RAB21: variants seen among roughly 807,000 people sequenced by gnomAD.
The protein encoded by RAB21 is RAB21, member RAS oncogene family, also known as ras-related protein Rab-21.
Under a neutral mutation model 33.1 loss-of-function variants are expected in RAB21, and 13 were observed. The observed-to-expected ratio is 0.39, with a 90% CI of 0.26 to 0.62. The LOEUF (loss-of-function observed/expected upper bound fraction) is 0.62, where lower values mean the gene tolerates loss of function less well. Among genes scored for constraint, RAB21 ranks in the 20% least tolerant of loss-of-function variants. The probability of loss-of-function intolerance (pLI) is 0.48; values close to 1 mark genes in which losing one functional copy is unlikely to be tolerated. For missense variants in RAB21, 234 were observed against 279.1 expected (o/e 0.84, Z 1.15); for synonymous variants, 91 against 103.7 (o/e 0.88, Z 0.74).
At chr12:71,765,562 C>A (rs1031296105) in intron 1 of RAB21, among the ~76,000 whole-genome samples, 1 of 151,762 alleles carries the variant, frequency 6.6e-6, no homozygotes, top group Non-Finnish European at 1.5e-5. Flanking sequence ...CAATGTTATC[C>A]CCTAGAATTT....
At chr12:71,782,216 T>G (rs537990972) in intron 5 of RAB21, 131 bp downstream of exon 5, 1 of 870,410 alleles carries the variant, frequency 1.1e-6, no homozygotes, top group Non-Finnish European at 1.8e-6. Context: ...CAGTGAAGCA[T>G]GTTTACATGG....
At chr12:71,776,933 G>A (rs1883128856) in intron 4 of RAB21, among the ~76,000 whole-genome samples, 1 of 152,122 alleles carries the variant, frequency 6.6e-6, no homozygotes, top group Non-Finnish European at 1.5e-5. Flanking sequence ...ACTGTGTGCT[G>A]TTAATTCTGA....
intron 1 of RAB21, among the ~76,000 whole-genome samples, chr12:71,765,534 T>C (rs759371350): frequency 1.3e-5 from 2 of 152,172 alleles, no homozygotes; most frequent in Non-Finnish European, 2.9e-5. Flanking sequence ...TCTAAGCCAA[T>C]GTCTAGAAGA....
chr12:71,787,060 T>C lies in RAB21; in HGVS notation c.*1387T>C, dbSNP rs1159270709. The C allele has an allele frequency of 6.6e-6, 1 of 152,236 alleles. No individual in the cohort carries two copies. The highest frequency in any genetic ancestry group is 1.5e-5 in the Non-Finnish European group (1 of 68,042). 9.4% of individuals were successfully genotyped at this position (152,236 alleles called of 1,614,324 possible). On this transcript the variant is annotated 3_prime_UTR_variant, in exon 7 of 7. Transcript: ENST00000261263. ...AGTTTATGTTCCTGAGGCAGCACTTTTAGATCCTTTGTGAGCAAGTTCTAT... is the reference window on the plus strand; with the variant it reads ...AGTTTATGTTCCTGAGGCAGCACTTCTAGATCCTTTGTGAGCAAGTTCTAT...
chr12:71,762,091 A>G (rs1882880795), intron 1 of RAB21, among the ~76,000 whole-genome samples: 1 of 152,240 alleles, frequency 6.6e-6, no homozygotes, highest in African/African-American at 2.4e-5. Context: ...ATTTTACTTA[A>G]GAAATGAGTT....
At chr12:71,757,753 A>G (rs1398083211) in intron 1 of RAB21, among the ~76,000 whole-genome samples, 1 of 152,226 alleles carries the variant, frequency 6.6e-6, no homozygotes, top group Non-Finnish European at 1.5e-5. Flanking sequence ...ATCATGTCAG[A>G]AGATATGAGA....
chr12:71,784,722 G>A (rs760041160), intron 6 of RAB21, among the ~76,000 whole-genome samples: 2 of 152,058 alleles, frequency 1.3e-5, no homozygotes, highest in African/African-American at 2.4e-5. Context: ...CTTTATACTA[G>A]TTCTTGCAAT....
intron 1 of RAB21, among the ~76,000 whole-genome samples, chr12:71,756,491 C>T (rs1882787858): frequency 6.6e-6 from 1 of 152,138 alleles, no homozygotes. Context: ...ATGTTTGATG[C>T]TATTATTAAA....
intron 1 of RAB21, among the ~76,000 whole-genome samples, chr12:71,756,892 C>G (rs1383665774): frequency 6.6e-6 from 1 of 152,134 alleles, no homozygotes. Context: ...GTGGATAGCC[C>G]TACAGCTGAG....
In RAB21 at chr12:71,790,446, A is replaced by T. The variant is rs1370461135; in HGVS notation, c.*4773A>T. ...GATAAAGTATAATGTTGAAAAGTAG[A>T]AAGAAGTGGTATCTGCTAAACTCTA... On this transcript the variant is annotated 3_prime_UTR_variant, in exon 7 of 7. Transcript: ENST00000261263. 7.0e-6 allele frequency: 1 copy of T among 142,650 alleles called. No individual in the cohort carries two copies. 8.8% of individuals were successfully genotyped at this position (142,650 alleles called of 1,614,324 possible).
At chr12:71,773,920 A>G in intron 3 of RAB21, 39 bp from the exon 4 acceptor site, 2 of 1,448,106 alleles carry the variant, frequency 1.4e-6, no homozygotes, top group Non-Finnish European at 1.9e-6. Flanking sequence ...AGTAATTCCA[A>G]CAGGATTTGT....
At chr12:71,781,168 A>T (rs1340924946) in intron 4 of RAB21, among the ~76,000 whole-genome samples, 1 of 152,166 alleles carries the variant, frequency 6.6e-6, no homozygotes, top group South Asian at 2.1e-4. Context: ...TGTTTTTTAA[A>T]CAAAGAATAC....
rs373781182 is a variant in RAB21, at chr12:71,787,028, A to C, written c.*1355A>C. 1.3e-5 allele frequency: 2 copies of C among 152,238 alleles called. No homozygotes were observed. The highest frequency in any genetic ancestry group is 4.8e-5 in the African/African-American group (2 of 41,464). 9.4% of individuals were successfully genotyped at this position (152,238 alleles called of 1,614,324 possible). ...CCAGTTAACCAAGACTCATTCATATAGCACGTAGTTTATGTTCCTGAGGCA... is the reference window on the plus strand; with the variant it reads ...CCAGTTAACCAAGACTCATTCATATCGCACGTAGTTTATGTTCCTGAGGCA... On this transcript the variant is annotated 3_prime_UTR_variant, in exon 7 of 7. Coordinates refer to ENST00000261263, the MANE Select transcript of RAB21 (RefSeq NM_014999.4).
At chr12:71,777,420 CCA>C (rs1310944347) in intron 4 of RAB21, among the ~76,000 whole-genome samples, 1 of 152,142 alleles carries the variant, frequency 6.6e-6, no homozygotes, top group African/African-American at 2.4e-5. Context: ...TATGAATACT[CCA>C]CAGTTTATCT....
chr12:71,797,742 A>T lies in RAB21; in HGVS notation c.*12069A>T, dbSNP rs755857706. ...ATAATTAAAACAGTCTGGAACTGGC[A>T]TATGACTAGACAGATCATTCAAGCA... On this transcript the variant is annotated 3_prime_UTR_variant, in exon 7 of 7. Coordinates refer to ENST00000261263, the MANE Select transcript of RAB21 (RefSeq NM_014999.4). The T allele has an allele frequency of 6.6e-6, 1 of 152,030 alleles. No homozygotes were observed. The highest frequency in any genetic ancestry group is 2.4e-5 in the African/African-American group (1 of 41,398). The allele number at this position is 152,030 out of a possible 1,614,324, so 9.4% of individuals were successfully genotyped here. A position where few individuals can be genotyped will look rare whatever the true frequency, so the allele number is the denominator to read the frequency against.
rs11178946 is a variant in RAB21 at position 71,785,911 on chromosome 12, T to C, written c.*238T>C. On this transcript the variant is annotated 3_prime_UTR_variant, in exon 7 of 7. Coordinates refer to ENST00000261263, the MANE Select transcript of RAB21 (RefSeq NM_014999.4). ...TTTGTTTTTTTTTTGTTTTTTTTTGTTTTTTTTTGAGACGGAGTCTCGCTC... is the reference window on the plus strand; with the variant it reads ...TTTGTTTTTTTTTTGTTTTTTTTTGCTTTTTTTTGAGACGGAGTCTCGCTC... 1 of 408,890 alleles carries C rather than the reference T, an allele frequency of 2.4e-6. No homozygotes were observed. The highest frequency in any genetic ancestry group is 2.6e-5 in the African/African-American group (1 of 37,766). The allele number at this position is 408,890 out of a possible 1,614,324, so 25.3% of individuals were successfully genotyped here.
rs1555189630 is a variant in RAB21 at position 71,794,405 on chromosome 12, T to TTTTATA, written c.*8733_*8734insTTATAT. On this transcript the variant is annotated 3_prime_UTR_variant, in exon 7 of 7. Transcript: ENST00000261263. ...AAAACAAAACAAAACCATATATATA[T>TTTTATA]TATATATATATATATATATATATTT... 1 of 51,048 alleles carries TTTTATA rather than the reference T, an allele frequency of 2.0e-5. No individual in the cohort carries two copies. The highest frequency in any genetic ancestry group is 1.1e-4 in the African/African-American group (1 of 9,366). 3.2% of individuals were successfully genotyped at this position (51,048 alleles called of 1,614,324 possible).
intron 4 of RAB21, among the ~76,000 whole-genome samples, chr12:71,780,655 G>A (rs1244358377): frequency 6.6e-6 from 1 of 152,172 alleles, no homozygotes; most frequent in Non-Finnish European, 1.5e-5. Context: ...GGCTATGGTG[G>A]CAGATAGTTT....
At chr12:71,759,525 C>T (rs1423176596) in intron 1 of RAB21, among the ~76,000 whole-genome samples, 1 of 152,216 alleles carries the variant, frequency 6.6e-6, no homozygotes, top group Non-Finnish European at 1.5e-5. Context: ...GCCATCCCCT[C>T]CTCCTTCCCT....
Sources: allele counts gnomAD v4.1 joint callset (sites outside exome capture counted in the v4.1 genomes callset), GRCh38; gene constraint gnomAD v4.1.1; transcripts MANE v1.5; gene names NCBI Gene and HGNC (gene_info 2026-07-23, HGNC 2026-07-21).